TMEM120B: variants seen among roughly 807,000 people sequenced by gnomAD.
TMEM120B encodes the protein transmembrane protein 120B.
Under a neutral mutation model 55.5 loss-of-function variants are expected in TMEM120B, and 31 were observed. The ratio of observed to expected loss-of-function variants is 0.56; its 90% CI spans 0.42 to 0.75. The LOEUF is 0.75. TMEM120B is among the 30% of genes least tolerant of loss of function. The pLI, the probability that TMEM120B is intolerant of heterozygous loss-of-function variation, is 0.00. For synonymous variants in TMEM120B, 203 were observed against 176.3 expected, an observed-to-expected ratio of 1.15 and a Z score of -1.20; for missense variants, 399 against 425.5, an observed-to-expected ratio of 0.94 and a Z score of 0.55.
intron 6 of TMEM120B, 120 bp downstream of exon 6, chr12:121,761,858 TG>T: frequency 5.4e-6 from 4 of 739,060 alleles, no homozygotes; most frequent in Non-Finnish European, 9.4e-6. Flanking sequence ...GGGGTTGCTC[TG>T]TGACTGTTCA....
Position 121,775,800 on chromosome 12 carries a change from G to A in TMEM120B, c.*78G>A. On this transcript the variant is annotated 3_prime_UTR_variant, in exon 12 of 12. Coordinates refer to ENST00000449592, the MANE Select transcript of TMEM120B (RefSeq NM_001080825.2). The surrounding 1 kb of genome is among the most constrained non-coding windows in gnomAD (Gnocchi z 4.3). ...GGCTCCTTCCCAGCAGCCCTCTCAG[G>A]CCCGTGGCATCGCTGGGAGAGGGCC... 1 of 1,502,718 alleles carries A rather than the reference G, an allele frequency of 6.7e-7. No homozygotes were observed. 93.1% of individuals were successfully genotyped at this position (1,502,718 alleles called of 1,614,324 possible).
Position 121,758,577 on chromosome 12 carries a change from C to A in TMEM120B, c.462-3072C>A, listed in dbSNP as rs1170739622. The A allele has an allele frequency of 9.2e-6, 9 of 982,798 alleles. No homozygotes were observed. In the African/African-American group the frequency reaches 1.4e-4, roughly 16 times the overall value. The allele number at this position is 982,798 out of a possible 1,614,324, so 60.9% of individuals were successfully genotyped here. A position where few individuals can be genotyped will look rare whatever the true frequency, so the allele number is the denominator to read the frequency against. ...ACCATGGAGGAGGACGGCCCAGCCC[C>A]GTGCTGTGGTCACCATGGAGGAGGA... On this transcript the variant is annotated intron_variant, in intron 5 of 11. Coordinates refer to ENST00000449592, the MANE Select transcript of TMEM120B (RefSeq NM_001080825.2).
At chr12:121,758,430 GCGC>G (rs1566520381) in intron 5 of TMEM120B, 2 of 971,472 alleles carry the variant, frequency 2.1e-6, no homozygotes, top group African/African-American at 1.9e-5. Context: ...GCCCAGCCCC[GCGC>G]TGTGGTCACC....
intron 6 of TMEM120B, 152 bp downstream of exon 6, chr12:121,761,890 T>G: frequency 1.6e-6 from 1 of 606,672 alleles, no homozygotes; most frequent in East Asian, 2.9e-5. Flanking sequence ...GGAGGAAAGC[T>G]GATGCTGTTG....
chr12:121,748,281 C>G (rs898984108), intron 2 of TMEM120B, 45 bp from the exon 3 acceptor site: 2 of 1,512,526 alleles, frequency 1.3e-6, no homozygotes, highest in Non-Finnish European at 1.8e-6. Flanking sequence ...GCCCTCCTCC[C>G]TCTGAGTGAC....
chr12:121,726,256 A>C (rs1356613226), intron 1 of TMEM120B, among the ~76,000 whole-genome samples: 1 of 152,062 alleles, frequency 6.6e-6, no homozygotes, highest in Non-Finnish European at 1.5e-5. Context: ...ATTGTATGGC[A>C]TGTAAATTAT....
At chr12:121,750,807 TACACAAC>T (rs1873267343) in intron 4 of TMEM120B, among the ~76,000 whole-genome samples, 1 of 50,666 alleles carries the variant, frequency 2.0e-5, no homozygotes, top group Non-Finnish European at 3.7e-5. Context: ...CCACACCCCA[TACACAAC>T]ACCCCACACC....
rs374300760 is a variant in TMEM120B, at chr12:121,758,316, G to A, written c.462-3333G>A. 180 of 985,478 alleles carry A rather than the reference G, an allele frequency of 1.8e-4. No individual in the cohort carries two copies. The African/African-American group carries it at 2.7e-3, about 15-fold the overall frequency. The allele number at this position is 985,478 out of a possible 1,614,324, so 61.0% of individuals were successfully genotyped here. ...GATAATCCCCACACAGCGGTCTGCCGGCCCTCCATGCTGACCAGGTACAGC... is the reference window on the plus strand; with the variant it reads ...GATAATCCCCACACAGCGGTCTGCCAGCCCTCCATGCTGACCAGGTACAGC... On this transcript the variant is annotated intron_variant, in intron 5 of 11. Transcript: ENST00000449592.
At chr12:121,728,285 C>A (rs1407786333) in intron 1 of TMEM120B, among the ~76,000 whole-genome samples, 2 of 151,238 alleles carry the variant, frequency 1.3e-5, no homozygotes, top group African/African-American at 4.9e-5. Context: ...GTCAGGAGAT[C>A]GAGACCATCC....
chr12:121,730,958 C>CA (rs879265342), intron 1 of TMEM120B, among the ~76,000 whole-genome samples: 361 of 133,342 alleles, frequency 2.7e-3, no homozygotes, highest in Middle Eastern at 0.019. Flanking sequence ...AACTCTGTCT[C>CA]AAAAAAAAAA....
intron 1 of TMEM120B, among the ~76,000 whole-genome samples, chr12:121,743,041 C>T (rs1872978950): frequency 6.6e-6 from 1 of 152,114 alleles, no homozygotes; most frequent in Admixed American, 6.6e-5. Context: ...GTTTTCTGTT[C>T]CCCCAGCACT....
intron 1 of TMEM120B, among the ~76,000 whole-genome samples, chr12:121,720,302 C>T (rs1210356078): frequency 2.0e-5 from 3 of 152,154 alleles, no homozygotes; most frequent in East Asian, 1.9e-4. Flanking sequence ...CCGCACAGGA[C>T]GCATACACGT....
intron 1 of TMEM120B, among the ~76,000 whole-genome samples, chr12:121,726,298 G>A (rs769730226): frequency 2.6e-5 from 4 of 151,886 alleles, no homozygotes; most frequent in Non-Finnish European, 5.9e-5. Context: ...ATAATGCTTC[G>A]GCTGGGCGCA....
At chr12:121,771,454 G>T (rs888645863) in intron 7 of TMEM120B, 34 bp from the exon 8 acceptor site, 1 of 1,584,740 alleles carries the variant, frequency 6.3e-7, no homozygotes, top group Non-Finnish European at 8.7e-7. Context: ...TTCATAGTGG[G>T]CCCCACCTTT....
chr12:121,775,037 G>A lies in TMEM120B; in HGVS notation c.838-25G>A. The A allele has an allele frequency of 6.2e-7, 1 of 1,612,828 alleles. No individual in the cohort carries two copies. The highest frequency in any genetic ancestry group is 2.2e-5 in the East Asian group (1 of 44,842). On this transcript the variant is annotated intron_variant, in intron 10 of 11. Coordinates refer to ENST00000449592, the MANE Select transcript of TMEM120B (RefSeq NM_001080825.2). The surrounding 1 kb of genome is among the most constrained non-coding windows in gnomAD (Gnocchi z 4.3). Reference sequence around the variant, plus strand: ...GGCCGGCCAGGGGAGTCTGGTGGGTGAGCAGCGCCTGCCTTCCTCTCCAGT... The same window carrying A: ...GGCCGGCCAGGGGAGTCTGGTGGGTAAGCAGCGCCTGCCTTCCTCTCCAGT...
intron 1 of TMEM120B, among the ~76,000 whole-genome samples, chr12:121,716,109 C>A (rs1894696414): frequency 6.6e-6 from 1 of 150,802 alleles, no homozygotes; most frequent in African/African-American, 2.4e-5. Flanking sequence ...TTGAGACCAG[C>A]CTGGGAAACA....
At chr12:121,714,063 G>C (rs1170390254) in intron 1 of TMEM120B, among the ~76,000 whole-genome samples, 1 of 152,054 alleles carries the variant, frequency 6.6e-6, no homozygotes, top group Non-Finnish European at 1.5e-5. Context: ...TAGACAGAGG[G>C]TTGCTGGAGA....
chr12:121,772,192 G>A (rs1249361158), intron 8 of TMEM120B, among the ~76,000 whole-genome samples: 6 of 150,760 alleles, frequency 4.0e-5, no homozygotes, highest in African/African-American at 1.2e-4. Context: ...GCAGTGGCGC[G>A]ATCTTGGCTC....
intron 2 of TMEM120B, among the ~76,000 whole-genome samples, chr12:121,746,975 A>G (rs1283310987): frequency 1.3e-5 from 2 of 151,998 alleles, no homozygotes; most frequent in Non-Finnish European, 2.9e-5. Context: ...AAAAGAAAAG[A>G]AAAGAAAAAT....
Sources: allele counts gnomAD v4.1 joint callset (sites outside exome capture counted in the v4.1 genomes callset), GRCh38; gene constraint gnomAD v4.1.1; non-coding constraint Gnocchi (gnomAD v3.1); transcripts MANE v1.5; gene names NCBI Gene and HGNC (gene_info 2026-07-23, HGNC 2026-07-21).